MYH11: variants seen among roughly 807,000 people sequenced by gnomAD.
The protein encoded by MYH11 is myosin-11.
A neutral mutation model predicts 246.6 loss-of-function variants in MYH11; 80 were observed. The ratio of observed to expected loss-of-function variants is 0.32; its 90% CI spans 0.27 to 0.39. MYH11 has a LOEUF of 0.39. Ranked by LOEUF, MYH11 falls within the 10% of genes least tolerant of loss-of-function variation. The pLI is 1.00. For missense variants in MYH11, 2,158 were observed against 2,546.8 expected (o/e 0.85, Z 3.29); for synonymous variants, 1,071 against 1,015.5 (o/e 1.05, Z -1.04).
In MYH11 at chr16:15,721,562, C is replaced by G. The variant is rs864622710; in HGVS notation, c.4438G>C (p.Glu1480Gln). 3.1e-6 allele frequency: 5 copies of G among 1,614,116 alleles called. No homozygotes were observed. The highest frequency in any genetic ancestry group is 4.2e-6 in the Non-Finnish European group (5 of 1,180,062). ...AGGGACAGGGCCTTGGTTTCCTTCT[C>G]CCTGGCTTCTGCCTCAGCTCTGTCC... ...ERDRAEAEAR[E>Q]KETKALSLAR... The change falls in exon 32 of 41, where the codon GAG (glutamate) becomes CAG (glutamine). Residue 1480 changes from glutamate (E) to glutamine (Q), a missense_variant. This residue lies in a region of MYH11 where 1,013 missense variants were observed against 993.5 expected (regional missense o/e 1.02). Transcript: ENST00000300036.
chr16:15,776,045 C>T (rs2042213199), intron 8 of MYH11, 33 bp downstream of exon 8: 2 of 1,478,276 alleles, frequency 1.4e-6, no homozygotes, highest in Non-Finnish European at 1.9e-6. Context: ...AAGGCTCAAG[C>T]CATCCAATCA....
In MYH11 at chr16:15,794,661, G is replaced by A. The variant is rs538538377; in HGVS notation, c.530+3999C>T. Among the ~76,000 whole-genome samples the A allele has an allele frequency of 1.2e-4, 19 of 152,344 alleles. 2 individuals are homozygous for A. In the South Asian group the frequency reaches 3.9e-3, roughly 32 times the overall value. On this transcript the variant is annotated intron_variant, in intron 4 of 40. Transcript: ENST00000300036. Reference sequence around the variant, plus strand: ...GGGTGATGTGACTGAGAAGATCGAGGGGAAGGGAGGAGAGGGGAGGCTGTG... The same window carrying A: ...GGGTGATGTGACTGAGAAGATCGAGAGGAAGGGAGGAGAGGGGAGGCTGTG...
intron 2 of MYH11, among the ~76,000 whole-genome samples, chr16:15,828,950 G>T (rs144735286): frequency 6.7e-6 from 1 of 149,384 alleles, no homozygotes; most frequent in African/African-American, 2.5e-5. Context: ...TTGGGAAATC[G>T]AGGAGGTCAG....
intron 40 of MYH11, among the ~76,000 whole-genome samples, chr16:15,710,658 G>T (rs1253592420): frequency 6.6e-6 from 1 of 152,068 alleles, no homozygotes; most frequent in Non-Finnish European, 1.5e-5. Context: ...CTGGTTGCCA[G>T]CAGAGCACAT....
chr16:15,832,440 T>G (rs1348270244), intron 2 of MYH11, among the ~76,000 whole-genome samples: 5 of 152,198 alleles, frequency 3.3e-5, no homozygotes, highest in Admixed American at 2.6e-4. Flanking sequence ...ATGGTTACCA[T>G]GGCCTGGGAG....
intron 3 of MYH11, among the ~76,000 whole-genome samples, chr16:15,803,287 T>TC (rs1421766494): frequency 2.0e-5 from 3 of 150,954 alleles, no homozygotes; most frequent in Non-Finnish European, 4.4e-5. Flanking sequence ...AATTTTTTTT[T>TC]TTTTTCTGAA....
chr16:15,794,319 A>G (rs1371637988), intron 4 of MYH11, among the ~76,000 whole-genome samples: 1 of 152,224 alleles, frequency 6.6e-6, no homozygotes, highest in Admixed American at 6.5e-5. Context: ...AACTACGCGT[A>G]AAAGCTCAGC....
At chr16:15,782,535 C>T (rs987422287) in intron 5 of MYH11, 58 bp from the exon 6 acceptor site, 1 of 1,391,360 alleles carries the variant, frequency 7.2e-7, no homozygotes, top group South Asian at 1.2e-5. Context: ...GACAGTTCTA[C>T]CTTGGATGGA....
intron 3 of MYH11, among the ~76,000 whole-genome samples, chr16:15,805,545 G>A (rs527244068): frequency 7.4e-4 from 113 of 152,234 alleles, no homozygotes; most frequent in Middle Eastern, 3.4e-3. Flanking sequence ...ACAACCAAAT[G>A]TTCATCAATG....
chr16:15,837,661 A>C (rs1381307479), intron 2 of MYH11, among the ~76,000 whole-genome samples: 4 of 149,790 alleles, frequency 2.7e-5, no homozygotes, highest in Non-Finnish European at 5.9e-5. Context: ...CAGCCTCCCC[A>C]GTAGCTGGGA....
intron 3 of MYH11, among the ~76,000 whole-genome samples, chr16:15,809,376 CA>C (rs2043088500): frequency 6.6e-6 from 1 of 150,578 alleles, no homozygotes; most frequent in Admixed American, 6.6e-5. Flanking sequence ...TACAAAAAAT[CA>C]AAAAATTAGC....
At chr16:15,851,076 C>T (rs1055638489) in intron 1 of MYH11, among the ~76,000 whole-genome samples, 4 of 152,014 alleles carry the variant, frequency 2.6e-5, no homozygotes, top group African/African-American at 7.3e-5. Context: ...TTCAAATAAA[C>T]GAATGAATGA....
At chr16:15,754,178 C>T (rs1272887729) in intron 14 of MYH11, among the ~76,000 whole-genome samples, 3 of 152,134 alleles carry the variant, frequency 2.0e-5, no homozygotes, top group Admixed American at 2.0e-4. Context: ...GATTGCGCCA[C>T]TGAACTCCAG....
At chr16:15,730,054 A>G (rs1198611865) in intron 27 of MYH11, among the ~76,000 whole-genome samples, 1 of 151,956 alleles carries the variant, frequency 6.6e-6, no homozygotes, top group Non-Finnish European at 1.5e-5. Flanking sequence ...TGGTTGTTTA[A>G]AAGTGTCTGG....
At chr16:15,751,881 C>T (rs1482970466) in intron 15 of MYH11, among the ~76,000 whole-genome samples, 1 of 152,140 alleles carries the variant, frequency 6.6e-6, no homozygotes, top group Non-Finnish European at 1.5e-5. Context: ...TCACTGCAAC[C>T]TGCGCCTCCC....
At chr16:15,706,350 GACTGTT>G (rs1328614853) in intron 40 of MYH11, among the ~76,000 whole-genome samples, 1 of 152,170 alleles carries the variant, frequency 6.6e-6, no homozygotes, top group East Asian at 1.9e-4. Flanking sequence ...GCAGCAGTTT[GACTGTT>G]CCCTGTACGC....
rs373731356 is a variant in MYH11 at position 15,757,806 on chromosome 16, G to A, written c.1575+21C>T. 1.8e-4 allele frequency: 298 copies of A among 1,614,126 alleles called. 2 individuals carry two copies. The highest frequency in any genetic ancestry group is 1.2e-3 in the South Asian group (105 of 91,082). Reference sequence around the variant, plus strand: ...CGTGTACAAGGTGTGACGGAGCCCCGCACGCCCACGTGCCCCTCACCGGTC... The same window carrying A: ...CGTGTACAAGGTGTGACGGAGCCCCACACGCCCACGTGCCCCTCACCGGTC... On this transcript the variant is annotated intron_variant, in intron 13 of 40. Transcript: ENST00000300036.
chr16:15,810,842 C>T (rs1472057094), intron 3 of MYH11, among the ~76,000 whole-genome samples: 1 of 152,124 alleles, frequency 6.6e-6, no homozygotes, highest in African/African-American at 2.4e-5. Context: ...TGGTAATTGC[C>T]GTTAATATCA....
chr16:15,797,816 T>C (rs147560591), intron 4 of MYH11, among the ~76,000 whole-genome samples: 91 of 152,206 alleles, frequency 6.0e-4, no homozygotes, highest in African/African-American at 2.1e-3. Flanking sequence ...TCAACTCTCA[T>C]ACTGTAAACA....
Sources: gnomAD v4.1 joint callset for allele counts (sites outside exome capture counted in the v4.1 genomes callset) on GRCh38, gnomAD v4.1.1 for gene constraint, gnomAD v4.1.1 regional missense constraint, MANE v1.5 for transcripts, NCBI Gene and HGNC (gene_info 2026-07-23, HGNC 2026-07-21) for gene names.